Variants in PDE1C observed in about 807,000 individuals in gnomAD.
PDE1C encodes the protein dual specificity calcium/calmodulin-dependent 3',5'-cyclic nucleotide phosphodiesterase 1C.
PDE1C carries 62 observed loss-of-function variants against 93.1 expected under a neutral mutation model. The observed-to-expected ratio is 0.67, with a 90% CI of 0.54 to 0.82. The LOEUF is 0.82. Ranked by LOEUF, PDE1C falls within the 40% of genes least tolerant of loss-of-function variation. The probability of loss-of-function intolerance (pLI) is 0.00; values close to 1 mark genes in which losing one functional copy is unlikely to be tolerated. For missense variants in PDE1C, 742 were observed against 884.6 expected (o/e 0.84, Z 2.04); for synonymous variants, 325 against 310.1 (o/e 1.05, Z -0.50).
In PDE1C at chr7:31,901,467, A is replaced by G. The variant is rs1300214268; in HGVS notation, c.129-20607T>C. ...CATGTGAAGAAAACTATAAAGTTCT[A>G]CTAAGGGATATAAAATGAATATTGA... On this transcript the variant is annotated intron_variant, in intron 2 of 17. Coordinates refer to ENST00000396191, the MANE Select transcript of PDE1C (RefSeq NM_001191057.4). 3.3e-5 allele frequency among the ~76,000 whole-genome samples: 5 copies of G among 151,426 alleles called. No homozygotes were observed. The East Asian group carries it at 9.7e-4, about 29-fold the overall frequency.
chr7:31,842,923 T>A (rs914833509), intron 9 of PDE1C, among the ~76,000 whole-genome samples: 2 of 151,966 alleles, frequency 1.3e-5, no homozygotes, highest in African/African-American at 4.8e-5. Context: ...ACATTTTTAA[T>A]ATATTGCATT....
intron 2 of PDE1C, among the ~76,000 whole-genome samples, chr7:31,986,992 T>C (rs1783501650): frequency 6.6e-6 from 1 of 152,054 alleles, no homozygotes; most frequent in Admixed American, 6.6e-5. Context: ...GCTTCTGTTT[T>C]AAGACAAACT....
In PDE1C at chr7:31,933,054, G is replaced by A. The variant is rs555374169; in HGVS notation, c.129-52194C>T. ...CACAGGGAAGGGAACATCACACACT[G>A]GGATCTGTCAGGGGTTAAGGGGCAA... On this transcript the variant is annotated intron_variant, in intron 2 of 17. Coordinates refer to ENST00000396191, the MANE Select transcript of PDE1C (RefSeq NM_001191057.4). Among the ~76,000 whole-genome samples, 10 of 152,042 alleles carry A rather than the reference G, an allele frequency of 6.6e-5. No individual in the cohort carries two copies. In the East Asian group the frequency reaches 1.8e-3, roughly 27 times the overall value.
At position 32,314,061 on chromosome 7, in the gene PDE1C, T is replaced by A. The variant is rs930075153; in HGVS notation, c.311-104522A>T. On this transcript the variant is annotated intron_variant, in intron 1 of 1. Transcript: ENST00000672256. The stretch of plus-strand genomic sequence containing the variant: ...AAAAGTAAATGAGAAATGAAAAAAA[T>A]AAATAAATAAATAAAATAAATAAAG... Among the ~76,000 whole-genome samples the A allele has an allele frequency of 2.7e-4, 41 of 151,716 alleles. No individual in the cohort carries two copies. The East Asian group carries it at 2.9e-3, about 11-fold the overall frequency.
At chr7:31,812,446 T>C (rs1787675183) in intron 15 of PDE1C, among the ~76,000 whole-genome samples, 1 of 152,150 alleles carries the variant, frequency 6.6e-6, no homozygotes, top group South Asian at 2.1e-4. Flanking sequence ...AGACCTGGGG[T>C]TGGCAAACTA....
chr7:32,005,555 CAAAAAAAAAAAAAA>C (rs59246166), intron 2 of PDE1C, among the ~76,000 whole-genome samples: 5 of 50,762 alleles, frequency 9.8e-5, no homozygotes, highest in East Asian at 9.1e-4. Context: ...GACTCCATTT[CAAAAAAAAAAAAAA>C]AAAAAAAAAA....
chr7:32,145,071 GCACAGA>G (rs2128783635), intron 3 of PDE1C, among the ~76,000 whole-genome samples: 1 of 152,302 alleles, frequency 6.6e-6, no homozygotes, highest in African/African-American at 2.4e-5. Context: ...CCTCTGTCAA[GCACAGA>G]TGTTGTCGGC....
At chr7:32,203,371 T>C (rs1342775360) in intron 2 of PDE1C, among the ~76,000 whole-genome samples, 2 of 152,074 alleles carry the variant, frequency 1.3e-5, no homozygotes, top group East Asian at 3.9e-4. Context: ...CCTCTGGGGC[T>C]CCATACATGG....
chr7:32,273,498 C>A (rs1039246467), intron 1 of PDE1C, among the ~76,000 whole-genome samples: 1 of 152,192 alleles, frequency 6.6e-6, no homozygotes, highest in Non-Finnish European at 1.5e-5. Context: ...ATAGGGTTAT[C>A]ACAGTAAGGG....
intron 3 of PDE1C, among the ~76,000 whole-genome samples, chr7:32,090,030 T>C (rs985131709): frequency 2.0e-5 from 3 of 152,202 alleles, no homozygotes; most frequent in Non-Finnish European, 2.9e-5. Context: ...TTTTATTTCT[T>C]GCATCTAGCA....
chr7:31,643,629 A>G, the PDE1C span: 2 of 1,614,052 alleles, frequency 1.2e-6, no homozygotes, highest in Non-Finnish European at 1.7e-6. Flanking sequence ...TGGGGACAAA[A>G]GCAAGACAGT....
At chr7:31,910,435 T>C (rs999597476) in intron 2 of PDE1C, among the ~76,000 whole-genome samples, 3 of 152,136 alleles carry the variant, frequency 2.0e-5, no homozygotes, top group Non-Finnish European at 2.9e-5. Context: ...CTTGGTGCTG[T>C]CTTGTACCAG....
chr7:32,029,198 T>C (rs1789923290), intron 2 of PDE1C, among the ~76,000 whole-genome samples: 1 of 152,026 alleles, frequency 6.6e-6, no homozygotes, highest in South Asian at 2.1e-4. Context: ...TGAGATATCA[T>C]CTCAGATGGA....
At chr7:32,200,225 TTTTTAA>T (rs1804911896) in intron 2 of PDE1C, among the ~76,000 whole-genome samples, 1 of 152,230 alleles carries the variant, frequency 6.6e-6, no homozygotes, top group Admixed American at 6.5e-5. Context: ...TTTTATTTTG[TTTTTAA>T]TTTTGACTGT....
At chr7:31,850,797 C>G (rs1793234654) in intron 7 of PDE1C, 56 bp from the exon 8 acceptor site, 2 of 1,300,670 alleles carry the variant, frequency 1.5e-6, no homozygotes, top group Non-Finnish European at 2.2e-6. Context: ...AAGTCTTCAG[C>G]TTGCTGACAA....
chr7:31,888,765 C>T (rs915280273), intron 2 of PDE1C, among the ~76,000 whole-genome samples: 1 of 151,324 alleles, frequency 6.6e-6, no homozygotes, highest in Non-Finnish European at 1.5e-5. Flanking sequence ...TTCACCAGTT[C>T]AACAAAGAAA....
At chr7:31,785,988 T>A (rs1260328069) in intron 16 of PDE1C, 1 of 152,240 alleles carries the variant, frequency 6.6e-6, no homozygotes, top group Non-Finnish European at 1.5e-5. Context: ...GATAAATTAT[T>A]ACTTTCCATT....
chr7:32,105,696 T>C (rs1584770821), intron 3 of PDE1C, among the ~76,000 whole-genome samples: 2 of 126,298 alleles, frequency 1.6e-5, no homozygotes, highest in African/African-American at 3.0e-5. Context: ...TACCACCACA[T>C]CTGACTTTTT....
At chr7:32,043,156 C>T (rs10266648) in intron 2 of PDE1C, among the ~76,000 whole-genome samples, 11,439 of 152,190 alleles carry the variant, frequency 0.075, 586 homozygotes, top group Non-Finnish European at 0.11. Flanking sequence ...ATGCACAGGA[C>T]AGCCCCTACA....
Sources: gnomAD v4.1 joint callset for allele counts (sites outside exome capture counted in the v4.1 genomes callset) on GRCh38, gnomAD v4.1.1 for gene constraint, MANE v1.5 for transcripts, NCBI Gene and HGNC (gene_info 2026-07-23, HGNC 2026-07-21) for gene names.